CREBRF: variants seen among roughly 807,000 people sequenced by gnomAD.
The protein encoded by CREBRF is CREB3 regulatory factor.
CREBRF carries 5 observed loss-of-function variants against 66.1 expected under a neutral mutation model. That is an observed-to-expected ratio of 0.08 (90% CI 0.04 to 0.16). CREBRF has a LOEUF of 0.16. CREBRF is among the 10% of genes least tolerant of loss of function. The probability of loss-of-function intolerance (pLI) is 1.00; values close to 1 mark genes in which losing one functional copy is unlikely to be tolerated. For synonymous variants in CREBRF, 229 were observed against 264.4 expected (o/e 0.87, Z 1.30); for missense variants, 531 against 744.9 (o/e 0.71, Z 3.34).
At position 173,068,583 on chromosome 5, in the gene CREBRF, G is replaced by A. The variant is rs1029654786; in HGVS notation, c.-191-12002G>A. ...CCTTTATCTGCCATTTCTTTATTGT[G>A]TATAGAGATGACTAGTTTGCAGCTT... On this transcript the variant is annotated intron_variant, in intron 1 of 8. Coordinates refer to ENST00000296953, the MANE Select transcript of CREBRF (RefSeq NM_153607.3). Among the ~76,000 whole-genome samples the A allele has an allele frequency of 2.0e-5, 3 of 152,244 alleles. No homozygotes were observed. In the East Asian group the frequency reaches 5.8e-4, roughly 29 times the overall value.
At chr5:173,059,982 T>TA (rs1439281725) in intron 1 of CREBRF, among the ~76,000 whole-genome samples, 1 of 152,122 alleles carries the variant, frequency 6.6e-6, no homozygotes, top group Non-Finnish European at 1.5e-5. Flanking sequence ...GGTGTCTACT[T>TA]AGTTTACAGG....
chr5:173,100,375 A>G (rs1758598349), intron 4 of CREBRF, among the ~76,000 whole-genome samples: 1 of 151,704 alleles, frequency 6.6e-6, no homozygotes, highest in Admixed American at 6.6e-5. Context: ...GAGCATTCTG[A>G]ATATGACTGT....
At chr5:173,066,477 C>T (rs986285904) in intron 1 of CREBRF, among the ~76,000 whole-genome samples, 3 of 152,100 alleles carry the variant, frequency 2.0e-5, no homozygotes, top group African/African-American at 7.2e-5. Context: ...ATTTTGTAAA[C>T]ACCTCTTTTT....
intron 4 of CREBRF, among the ~76,000 whole-genome samples, chr5:173,097,043 G>A (rs374677972): frequency 9.1e-4 from 138 of 152,182 alleles, no homozygotes; most frequent in African/African-American, 3.2e-3. Flanking sequence ...ATGTCCATCA[G>A]GGGTACTGGC....
intron 4 of CREBRF, among the ~76,000 whole-genome samples, chr5:173,108,259 T>C (rs1758793891): frequency 6.6e-6 from 1 of 152,218 alleles, no homozygotes; most frequent in Non-Finnish European, 1.5e-5. Flanking sequence ...TCATAGTTTA[T>C]GTATCTAAGT....
At chr5:173,102,749 G>A (rs979892937) in intron 4 of CREBRF, among the ~76,000 whole-genome samples, 13 of 152,118 alleles carry the variant, frequency 8.5e-5, no homozygotes, top group African/African-American at 3.1e-4. Flanking sequence ...GACTGTGGGT[G>A]TGAGCCTGGA....
intron 4 of CREBRF, among the ~76,000 whole-genome samples, chr5:173,094,957 A>G (rs1240638638): frequency 3.9e-5 from 6 of 152,200 alleles, no homozygotes; most frequent in East Asian, 1.9e-4. Context: ...TGATTTTTCA[A>G]TATGGTATGA....
chr5:173,123,690 A>G (rs562862695), intron 8 of CREBRF: 1 of 153,588 alleles, frequency 6.5e-6, no homozygotes, highest in Admixed American at 6.5e-5. Context: ...GCTAGTATAG[A>G]CATAGACATG....
At chr5:173,059,625 C>G (rs1757206761) in intron 1 of CREBRF, among the ~76,000 whole-genome samples, 1 of 151,356 alleles carries the variant, frequency 6.6e-6, no homozygotes, top group South Asian at 2.1e-4. Flanking sequence ...CCTTACAATG[C>G]CCTAATTAGT....
At chr5:173,084,545 G>C (rs374920906) in intron 2 of CREBRF, among the ~76,000 whole-genome samples, 19 of 152,332 alleles carry the variant, frequency 1.2e-4, no homozygotes, top group African/African-American at 3.4e-4. Context: ...GAGGGGGAAG[G>C]GGGGACCATA....
At chr5:173,056,900 G>A (rs962664959) in intron 1 of CREBRF, among the ~76,000 whole-genome samples, 8 of 151,970 alleles carry the variant, frequency 5.3e-5, no homozygotes, top group African/African-American at 1.9e-4. Context: ...GCCCGGGAGG[G>A]GAGGGGAGGC....
Position 173,112,302 on chromosome 5 carries a change from A to G in CREBRF, c.1608-4A>G. 2 of 1,583,574 alleles carry G rather than the reference A, an allele frequency of 1.3e-6. No homozygotes were observed. The highest frequency in any genetic ancestry group is 1.7e-6 in the Non-Finnish European group (2 of 1,166,638). The stretch of plus-strand genomic sequence containing the variant: ...AGTGAACTAACTGCTCCTTCCTTTC[A>G]CAGAGCTTGTCGGTTAAAGAAGAAA... On this transcript the variant is annotated splice_polypyrimidine_tract_variant and splice_region_variant and intron_variant, in intron 6 of 8. Coordinates refer to ENST00000296953, the MANE Select transcript of CREBRF (RefSeq NM_153607.3).
rs112476802 is a variant in CREBRF, at chr5:173,092,988, T to G, written c.1222+1587T>G. On this transcript the variant is annotated intron_variant, in intron 4 of 8. Transcript: ENST00000296953. The stretch of plus-strand genomic sequence containing the variant: ...TGAATAAAATCTGCTTTGAGATATT[T>G]CAAGGAGACTTGACTTTGTAGGTAG... Among the ~76,000 whole-genome samples the G allele has an allele frequency of 3.4e-3, 524 of 152,316 alleles. 2 individuals are homozygous for G. Among genetic ancestry groups the G allele is most frequent in the African/African-American group, 0.012 (486 of 41,564 alleles).
chr5:173,117,602 CA>C, intron 7 of CREBRF, among the ~76,000 whole-genome samples: 1 of 55,450 alleles, frequency 1.8e-5, no homozygotes, highest in Non-Finnish European at 4.2e-5. Context: ...TCCTTCCTTC[CA>C]TCCCTCCCTC....
intron 5 of CREBRF, chr5:173,110,038 GCTTA>G (rs1301033992): frequency 1.4e-5 from 3 of 212,950 alleles, no homozygotes; most frequent in African/African-American, 7.0e-5. Flanking sequence ...ACAAGGTTAT[GCTTA>G]CTTGTTGGAT....
rs1757272392 is a variant in CREBRF at position 173,061,487 on chromosome 5, T to C, written c.-192+5008T>C. ...AAGCAAATATTGGTATAAATCCTGT[T>C]GATTTTAGAGATGCAGTCTGATTGA... On this transcript the variant is annotated intron_variant, in intron 1 of 8. Coordinates refer to ENST00000296953, the MANE Select transcript of CREBRF (RefSeq NM_153607.3). 2.0e-5 allele frequency among the ~76,000 whole-genome samples: 3 copies of C among 152,242 alleles called. No homozygotes were observed. The South Asian group carries it at 6.2e-4, about 31-fold the overall frequency.
At chr5:173,057,114 A>T (rs1028308968) in intron 1 of CREBRF, among the ~76,000 whole-genome samples, 1 of 151,662 alleles carries the variant, frequency 6.6e-6, no homozygotes, top group African/African-American at 2.4e-5. Flanking sequence ...ATTTGTTTAT[A>T]TGTCTTCTCA....
intron 4 of CREBRF, among the ~76,000 whole-genome samples, chr5:173,108,204 C>T (rs998597385): frequency 6.6e-6 from 1 of 151,964 alleles, no homozygotes; most frequent in East Asian, 1.9e-4. Flanking sequence ...AGCTTTCTGT[C>T]TGAGATGTTT....
At chr5:173,082,861 A>G (rs1204853852) in intron 2 of CREBRF, among the ~76,000 whole-genome samples, 3 of 133,132 alleles carry the variant, frequency 2.3e-5, no homozygotes, top group African/African-American at 5.6e-5. Context: ...GTGAGCCAAG[A>G]TCACGCCACT....
Sources: allele counts gnomAD v4.1 joint callset (sites outside exome capture counted in the v4.1 genomes callset), GRCh38; gene constraint gnomAD v4.1.1; transcripts MANE v1.5; gene names NCBI Gene and HGNC (gene_info 2026-07-23, HGNC 2026-07-21).